The following CRB1 variants were observed in gnomAD, a reference collection of about 807,000 sequenced individuals.
CRB1 encodes the protein crumbs cell polarity complex component 1.
Under a neutral mutation model 120.0 loss-of-function variants are expected in CRB1, and 83 were observed. The observed-to-expected ratio is 0.69, with a 90% CI of 0.58 to 0.83. CRB1 has a LOEUF of 0.83. Ranked by LOEUF, CRB1 falls within the 40% of genes least tolerant of loss-of-function variation. The pLI is 0.00. For synonymous variants in CRB1, 625 were observed against 612.5 expected, an observed-to-expected ratio of 1.02 and a Z score of -0.30; for missense variants, 1,699 against 1,687.6, an observed-to-expected ratio of 1.01 and a Z score of -0.12.
At chr1:197,365,858 C>T (rs1251443966) in intron 5 of CRB1, among the ~76,000 whole-genome samples, 2 of 151,990 alleles carry the variant, frequency 1.3e-5, no homozygotes, top group Non-Finnish European at 2.9e-5. Flanking sequence ...GCTGTTAGTC[C>T]TGGGGCGTCT....
the CRB1 span, among the ~76,000 whole-genome samples, chr1:197,216,080 C>A: frequency 2.6e-5 from 4 of 152,172 alleles, no homozygotes; most frequent in African/African-American, 9.7e-5. Flanking sequence ...TGCCTCCCAT[C>A]TGGCCTTCTG....
chr1:197,383,632 T>C (rs1662068246), intron 5 of CRB1, among the ~76,000 whole-genome samples: 1 of 152,234 alleles, frequency 6.6e-6, no homozygotes, highest in Non-Finnish European at 1.5e-5. Context: ...TGTTGAACAC[T>C]GTGACGTAAA....
At chr1:197,248,152 A>G in the CRB1 span, among the ~76,000 whole-genome samples, 11 of 152,006 alleles carry the variant, frequency 7.2e-5, no homozygotes, top group Admixed American at 1.3e-4. Context: ...TTTTATATGA[A>G]AAATGCCTTC....
intron 11 of CRB1, among the ~76,000 whole-genome samples, chr1:197,457,051 T>G (rs967260014): frequency 6.6e-6 from 1 of 152,176 alleles, no homozygotes; most frequent in African/African-American, 2.4e-5. Flanking sequence ...ATGTTGCTCA[T>G]TGTTCTTCGA....
chr1:197,306,860 A>G (rs909963143), intron 1 of CRB1, among the ~76,000 whole-genome samples: 2 of 152,170 alleles, frequency 1.3e-5, no homozygotes, highest in Non-Finnish European at 2.9e-5. Context: ...GGCAAATGCA[A>G]TTAGCTATTA....
At chr1:197,319,278 A>AAAAAAAAAAAAAAAAT (rs1230106700) in intron 1 of CRB1, among the ~76,000 whole-genome samples, 2 of 141,938 alleles carry the variant, frequency 1.4e-5, no homozygotes, top group African/African-American at 5.2e-5. Context: ...AAAAAAAAAA[A>AAAAAAAAAAAAAAAAT]TTAGCCGGAC....
intron 1 of CRB1, among the ~76,000 whole-genome samples, chr1:197,318,784 AGTT>A (rs1055184305): frequency 2.6e-5 from 4 of 152,190 alleles, no homozygotes; most frequent in Non-Finnish European, 5.9e-5. Flanking sequence ...GAATCTAAAA[AGTT>A]GTTCTTGTGG....
In CRB1 at chr1:197,435,398, G is replaced by A. The variant is rs765700280; in HGVS notation, c.3535G>A (p.Asp1179Asn). 5.0e-6 allele frequency: 8 copies of A among 1,606,854 alleles called. No homozygotes were observed. Among genetic ancestry groups the A allele is most frequent in the East Asian group, 2.2e-5 (1 of 44,764 alleles). The change falls in exon 9 of 12, where the codon GAT becomes AAT. Residue 1179 changes from aspartate to asparagine, a missense_variant. Transcript: ENST00000367400. ...WSGKHCELNI[D>N]ECFSNPCIHG... ...AGGGAAACACTGTGAACTCAACATC[G>A]ATGAATGCTTTTCAAACCCCTGTAT...
chr1:197,298,833 T>A (rs1656696537), intron 1 of CRB1, among the ~76,000 whole-genome samples: 1 of 152,082 alleles, frequency 6.6e-6, no homozygotes, highest in African/African-American at 2.4e-5. Flanking sequence ...ATTGAAAACA[T>A]AGAGTTGATC....
chr1:197,367,794 A>C (rs375105495), intron 5 of CRB1, among the ~76,000 whole-genome samples: 2 of 152,200 alleles, frequency 1.3e-5, no homozygotes, highest in African/African-American at 2.4e-5. Flanking sequence ...ATTTTATTCT[A>C]CTTCACCCAT....
intron 5 of CRB1, among the ~76,000 whole-genome samples, chr1:197,405,106 C>T (rs371849892): frequency 2.0e-5 from 3 of 151,936 alleles, no homozygotes; most frequent in East Asian, 1.9e-4. Flanking sequence ...TCTCTTTCCA[C>T]GGTCTCCCTC....
chr1:197,243,437 C>G, the CRB1 span, among the ~76,000 whole-genome samples: 2 of 151,984 alleles, frequency 1.3e-5, no homozygotes, highest in Non-Finnish European at 2.9e-5. Context: ...CATTATTTAC[C>G]CAGTAGTCAT....
Position 197,364,070 on chromosome 1 carries a change from G to A in CRB1, c.1171+7057G>A, listed in dbSNP as rs954521608. 7.6e-6 allele frequency: 10 copies of A among 1,312,080 alleles called. No homozygotes were observed. In the Admixed American group the frequency reaches 8.7e-5, roughly 11 times the overall value. 81.3% of individuals were successfully genotyped at this position (1,312,080 alleles called of 1,614,324 possible). On this transcript the variant is annotated intron_variant, in intron 5 of 11. Coordinates refer to ENST00000367400, the MANE Select transcript of CRB1 (RefSeq NM_201253.3). ...CGAAAGAATCAGGCAGATCCGTGGC[G>A]GGGCTGCTGAGGCGGGCAGATCCGT...
chr1:197,318,668 C>A (rs569465989), intron 1 of CRB1, among the ~76,000 whole-genome samples: 4 of 152,154 alleles, frequency 2.6e-5, no homozygotes, highest in African/African-American at 7.2e-5. Context: ...AGTCATAAAA[C>A]AATAAAATAC....
chr1:197,438,466 C>T (rs1665268206), intron 9 of CRB1, 81 bp from the exon 10 acceptor site: 6 of 1,551,648 alleles, frequency 3.9e-6, no homozygotes, highest in Non-Finnish European at 4.4e-6. Flanking sequence ...GCATTGACTA[C>T]ATACATGAAT....
the CRB1 span, among the ~76,000 whole-genome samples, chr1:197,233,694 C>G: frequency 6.6e-6 from 1 of 152,054 alleles, no homozygotes; most frequent in Non-Finnish European, 1.5e-5. Context: ...TCCTGCCATA[C>G]TACTAGAATA....
chr1:197,231,126 A>G, the CRB1 span, among the ~76,000 whole-genome samples: 3 of 152,202 alleles, frequency 2.0e-5, no homozygotes, highest in African/African-American at 7.2e-5. Flanking sequence ...TGAAGACAAG[A>G]ACAGAAGAAA....
upstream of CRB1, among the ~76,000 whole-genome samples, chr1:197,264,283 A>G (rs12144929): frequency 0.16 from 24,643 of 152,166 alleles, 2,253 homozygotes; most frequent in Middle Eastern, 0.24. Flanking sequence ...AGTTCCATCC[A>G]TGTTGCTGTA....
intron 5 of CRB1, chr1:197,357,481 T>G: frequency 4.9e-6 from 1 of 205,690 alleles, no homozygotes; most frequent in Non-Finnish European, 1.0e-5. Flanking sequence ...AAATTACTCT[T>G]TTTTTTTCAC....
Sources: gnomAD v4.1 joint callset for allele counts (sites outside exome capture counted in the v4.1 genomes callset) on GRCh38, gnomAD v4.1.1 for gene constraint, MANE v1.5 for transcripts, NCBI Gene and HGNC (gene_info 2026-07-23, HGNC 2026-07-21) for gene names.